The following OSGIN2 variants were observed in gnomAD, a reference collection of about 807,000 sequenced individuals.
OSGIN2 encodes the protein oxidative stress-induced growth inhibitor 2.
OSGIN2 carries 19 observed loss-of-function variants against 53.8 expected under a neutral mutation model. The ratio of observed to expected loss-of-function variants is 0.35; its 90% CI spans 0.25 to 0.52. The LOEUF is 0.52. Ranked by LOEUF, OSGIN2 falls within the 20% of genes least tolerant of loss-of-function variation. The pLI, the probability that OSGIN2 is intolerant of heterozygous loss-of-function variation, is 0.95. For missense variants in OSGIN2, 520 were observed against 662.7 expected (o/e 0.78, Z 2.36); for synonymous variants, 236 against 236.0 (o/e 1.00, Z 0.00).
In OSGIN2 at chr8:89,924,533, G is replaced by A. The variant is rs540816088; in HGVS notation, c.651G>A (p.Glu217=). The A allele has an allele frequency of 6.2e-7, 1 of 1,611,484 alleles. No individual in the cohort carries two copies. Among genetic ancestry groups the A allele is most frequent in the Admixed American group, 1.7e-5 (1 of 59,458 alleles). The change falls in exon 6 of 6, where the codon GAG becomes GAA. Residue 217 remains glutamate, a synonymous_variant. Coordinates refer to ENST00000451899, the MANE Select transcript of OSGIN2 (RefSeq NM_001126111.3). ...TAAAAGGGGATCGAGTTATGCCAGAGGAAATAGCTCGCTACTATAAACATT... is the reference window on the plus strand; with the variant it reads ...TAAAAGGGGATCGAGTTATGCCAGAAGAAATAGCTCGCTACTATAAACATT... ...RSLKGDRVMP[E]EIARYYKHYV...
In OSGIN2 at chr8:89,924,543, C is replaced by T. The variant is rs749316230; in HGVS notation, c.661C>T (p.Arg221Cys). 35 of 1,612,202 alleles carry T rather than the reference C, an allele frequency of 2.2e-5. No individual in the cohort carries two copies. Among genetic ancestry groups the T allele is most frequent in the African/African-American group, 2.7e-5 (2 of 74,834 alleles). ...TCGAGTTATGCCAGAGGAAATAGCT[C>T]GCTACTATAAACATTATGTAAAAGT... ...GDRVMPEEIA[R>C]YYKHYVKVMG... The change falls in exon 6 of 6, where the codon CGC (arginine) becomes TGC (cysteine). Residue 221 changes from arginine (R) to cysteine (C), a missense_variant. Transcript: ENST00000451899.
intron 4 of OSGIN2, among the ~76,000 whole-genome samples, chr8:89,916,108 T>TA (rs1809073645): frequency 6.6e-6 from 1 of 152,154 alleles, no homozygotes; most frequent in Non-Finnish European, 1.5e-5. Context: ...TTCTTAATTT[T>TA]AAAAAAAGCC....
chr8:89,906,433 C>A (rs992194793), intron 1 of OSGIN2, among the ~76,000 whole-genome samples: 1 of 151,894 alleles, frequency 6.6e-6, no homozygotes, highest in Non-Finnish European at 1.5e-5. Flanking sequence ...CTCCTCCCAC[C>A]CTTCATCCTC....
At chr8:89,917,940 C>T (rs2246022) in intron 4 of OSGIN2, among the ~76,000 whole-genome samples, 41,574 of 152,016 alleles carry the variant, frequency 0.27, 6,128 homozygotes, top group East Asian at 0.41. Flanking sequence ...GGTATGTAAA[C>T]ATGCTGAAAT....
rs759285280 is a variant in OSGIN2, at chr8:89,902,767, G to T, written c.-27G>T. The T allele has an allele frequency of 9.8e-4, 1,198 of 1,225,672 alleles. 3 individuals carry two copies. The highest frequency in any genetic ancestry group is 2.9e-3 in the Middle Eastern group (10 of 3,488). 75.9% of individuals were successfully genotyped at this position (1,225,672 alleles called of 1,614,324 possible). A position where few individuals can be genotyped will look rare whatever the true frequency, so the allele number is the denominator to read the frequency against. On this transcript the variant is annotated 5_prime_UTR_variant, in exon 1 of 6. Transcript: ENST00000451899. ...AGGCGGAGGCGGCCACGGCGGCCGCGCTCGGGCGCCCCTCGCGCAGCGCTC... is the reference window on the plus strand; with the variant it reads ...AGGCGGAGGCGGCCACGGCGGCCGCTCTCGGGCGCCCCTCGCGCAGCGCTC...
At chr8:89,905,723 A>G (rs983073341) in intron 1 of OSGIN2, among the ~76,000 whole-genome samples, 1 of 152,234 alleles carries the variant, frequency 6.6e-6, no homozygotes. Flanking sequence ...TACCTATACT[A>G]TGTAAATTTA....
Position 89,921,091 on chromosome 8 carries a change from C to T in OSGIN2, c.540C>T (p.Gly180=). The T allele has an allele frequency of 6.3e-7, 1 of 1,583,564 alleles. No homozygotes were observed. Among genetic ancestry groups the T allele is most frequent in the Non-Finnish European group, 8.6e-7 (1 of 1,158,284 alleles). Reference sequence around the variant, plus strand: ...TTAAACTCTAATAGAATATGGAAGGCTCCATGTTGACAATCAGCTTTGGAA... The same window carrying T: ...TTAAACTCTAATAGAATATGGAAGGTTCCATGTTGACAATCAGCTTTGGAA... ...PPGGAWHNME[G]SMLTISFGSW... Residue 180 remains glycine, a synonymous_variant, in exon 5 of 6, where the codon GGC becomes GGT. Coordinates refer to ENST00000451899, the MANE Select transcript of OSGIN2 (RefSeq NM_001126111.3).
chr8:89,901,952 G>A (rs573696709), upstream of OSGIN2: 1 of 152,472 alleles, frequency 6.6e-6, no homozygotes, highest in South Asian at 2.1e-4. Context: ...ACATGAAGAG[G>A]GGAGGATGAC....
In OSGIN2 at chr8:89,926,083, T is replaced by C. The variant is rs948019351; in HGVS notation, c.*551T>C. 6.5e-6 allele frequency: 1 copy of C among 153,238 alleles called. No homozygotes were observed. Among genetic ancestry groups the C allele is most frequent in the Non-Finnish European group, 1.5e-5 (1 of 68,840 alleles). 9.5% of individuals were successfully genotyped at this position (153,238 alleles called of 1,614,324 possible). A position where few individuals can be genotyped will look rare whatever the true frequency, so the allele number is the denominator to read the frequency against. On this transcript the variant is annotated 3_prime_UTR_variant, in exon 6 of 6. Coordinates refer to ENST00000451899, the MANE Select transcript of OSGIN2 (RefSeq NM_001126111.3). ...TTTGAGACACTGGTTTAAATGAAAA[T>C]GGATATAAGGTATGTATAACTGGGG...
intron 2 of OSGIN2, among the ~76,000 whole-genome samples, chr8:89,912,675 G>A (rs1342322878): frequency 1.3e-5 from 2 of 151,942 alleles, no homozygotes; most frequent in Non-Finnish European, 2.9e-5. Context: ...GAACCCAGGA[G>A]GCAGAGGTTG....
At chr8:89,914,786 A>T in intron 4 of OSGIN2, 40 bp downstream of exon 4, 1 of 1,459,690 alleles carries the variant, frequency 6.9e-7, no homozygotes, top group Non-Finnish European at 9.6e-7. Context: ...TATGTGAATT[A>T]TTTGTCTTGA....
At position 89,925,109 on chromosome 8, in the gene OSGIN2, T is replaced by C; in HGVS notation, c.1227T>C (p.Tyr409=). 3 of 1,614,078 alleles carry C rather than the reference T, an allele frequency of 1.9e-6. No homozygotes were observed. Among genetic ancestry groups the C allele is most frequent in the South Asian group, 1.1e-5 (1 of 91,086 alleles). The change falls in exon 6 of 6, where the codon TAT becomes TAC. Residue 409 remains tyrosine, a synonymous_variant. Coordinates refer to ENST00000451899, the MANE Select transcript of OSGIN2 (RefSeq NM_001126111.3). The part of the protein sequence containing the change: ...KVYHMMCTQS[Y]SVDSNLLSDY... Reference sequence around the variant, plus strand: ...ATCATATGATGTGTACTCAGTCATATTCTGTAGACTCAAATCTTTTATCTG... The same window carrying C: ...ATCATATGATGTGTACTCAGTCATACTCTGTAGACTCAAATCTTTTATCTG...
At chr8:89,909,027 AAAAAAAAAAAATATATATATATAC>A (rs1808905520) in intron 1 of OSGIN2, among the ~76,000 whole-genome samples, 1 of 117,516 alleles carries the variant, frequency 8.5e-6, no homozygotes, top group Non-Finnish European at 1.6e-5. Context: ...AAAAAAAAAA[AAAAAAAAAAAATATATATATATAC>A]ATATATATAT....
rs1033988230 is a variant in OSGIN2, at chr8:89,902,781, C to G, written c.-13C>G. The G allele has an allele frequency of 8.0e-7, 1 of 1,248,840 alleles. No homozygotes were observed. The highest frequency in any genetic ancestry group is 1.0e-6 in the Non-Finnish European group (1 of 987,024). The allele number at this position is 1,248,840 out of a possible 1,614,324, so 77.4% of individuals were successfully genotyped here. ...ACGGCGGCCGCGCTCGGGCGCCCCT[C>G]GCGCAGCGCTCCATGCCCGTGTGGT... On this transcript the variant is annotated 5_prime_UTR_variant, in exon 1 of 6. Coordinates refer to ENST00000451899, the MANE Select transcript of OSGIN2 (RefSeq NM_001126111.3).
chr8:89,911,892 C>G (rs1458937743), intron 2 of OSGIN2, among the ~76,000 whole-genome samples: 1 of 150,566 alleles, frequency 6.6e-6, no homozygotes, highest in Non-Finnish European at 1.5e-5. Context: ...GAGCCGAGAT[C>G]GCACCACTGT....
At chr8:89,908,145 G>C (rs554002221) in intron 1 of OSGIN2, among the ~76,000 whole-genome samples, 7 of 152,310 alleles carry the variant, frequency 4.6e-5, no homozygotes, top group Middle Eastern at 6.8e-3. Flanking sequence ...GCATGGGCAA[G>C]ACAGCTGAGG....
intron 1 of OSGIN2, among the ~76,000 whole-genome samples, chr8:89,906,534 G>C (rs1163387408): frequency 6.6e-6 from 1 of 152,088 alleles, no homozygotes; most frequent in African/African-American, 2.4e-5. Context: ...TGTGGTCTTT[G>C]GTTTTCTGTT....
At chr8:89,920,804 T>G (rs186942272) in intron 4 of OSGIN2, among the ~76,000 whole-genome samples, 193 of 152,340 alleles carry the variant, frequency 1.3e-3, no homozygotes, top group African/African-American at 4.4e-3. Flanking sequence ...TTATCAACAT[T>G]GTGTAGGCAT....
chr8:89,908,902 T>A (rs946324294), intron 1 of OSGIN2, among the ~76,000 whole-genome samples: 4 of 150,190 alleles, frequency 2.7e-5, no homozygotes, highest in Non-Finnish European at 5.9e-5. Flanking sequence ...CCCTGGCTAC[T>A]CTGGAGGCTG....
Sources: allele counts gnomAD v4.1 joint callset (sites outside exome capture counted in the v4.1 genomes callset), GRCh38; gene constraint gnomAD v4.1.1; transcripts MANE v1.5; gene names NCBI Gene and HGNC (gene_info 2026-07-23, HGNC 2026-07-21).